RELA: variants seen among roughly 807,000 people sequenced by gnomAD.
RELA encodes the protein transcription factor p65.
RELA carries 14 observed loss-of-function variants against 56.7 expected under a neutral mutation model. The ratio of observed to expected loss-of-function variants is 0.25; its 90% CI spans 0.16 to 0.39. RELA has a LOEUF of 0.39. Ranked by LOEUF, RELA falls within the 10% of genes least tolerant of loss-of-function variation. RELA has a pLI of 1.00. For synonymous variants in RELA, 315 were observed against 289.7 expected (o/e 1.09, Z -0.89); for missense variants, 559 against 736.4 (o/e 0.76, Z 2.79).
In RELA at chr11:65,658,385, G is replaced by C; in HGVS notation, c.779C>G (p.Pro260Arg). 6.2e-7 allele frequency: 1 copy of C among 1,613,990 alleles called. No individual in the cohort carries two copies. The highest frequency in any genetic ancestry group is 8.5e-7 in the Non-Finnish European group (1 of 1,179,968). ...IVFRTPPYAD[P>R]SLQAPVRVSM... ...GACACGCACAGGAGCCTGCAGGCTG[G>C]GGTCTGCGTAGGGAGGGGTCCGGAA... The change falls in exon 8 of 11, where the codon CCC (proline) becomes CGC (arginine). Residue 260 changes from proline to arginine, a missense_variant. Transcript: ENST00000406246. The surrounding 1 kb of genome is among the most constrained non-coding windows in gnomAD (Gnocchi z 4.5).
Position 65,653,735 on chromosome 11 carries a change from A to G in RELA, c.*643T>C, listed in dbSNP as rs535928024. 309 of 153,832 alleles carry G rather than the reference A, an allele frequency of 2.0e-3. 1 individual carries two copies. The highest frequency in any genetic ancestry group is 3.6e-3 in the Non-Finnish European group (245 of 68,860). 9.5% of individuals were successfully genotyped at this position (153,832 alleles called of 1,614,324 possible). On this transcript the variant is annotated 3_prime_UTR_variant, in exon 11 of 11. Transcript: ENST00000406246. ...TCCCCCACTCTTAACAACTTACCCT[A>G]CTATTAAGGCACTTGAGAAGAGGGA...
At chr11:65,655,064 T>C (rs914811114) in intron 10 of RELA, 64 bp from the exon 11 acceptor site, 2 of 1,304,686 alleles carry the variant, frequency 1.5e-6, no homozygotes, top group Non-Finnish European at 1.1e-6. Context: ...CCGTCCTCTG[T>C]ACCCCAGCCC....
chr11:65,663,673 T>A (rs1249648154), upstream of RELA, among the ~76,000 whole-genome samples: 2 of 152,164 alleles, frequency 1.3e-5, no homozygotes, highest in Non-Finnish European at 2.9e-5. Flanking sequence ...CTGGCGCTTG[T>A]GTCTCAGAAG....
rs1178830994 is a variant in RELA, at chr11:65,661,789, G to T, written c.233C>A (p.Thr78Asn). The T allele has an allele frequency of 1.3e-5, 21 of 1,613,878 alleles. No homozygotes were observed. Among genetic ancestry groups the T allele is most frequent in the Non-Finnish European group, 1.8e-5 (21 of 1,179,918 alleles). The change falls in exon 4 of 11, where the codon ACC becomes AAC. Residue 78 changes from threonine to asparagine, a missense_variant. Thr to Asn is a moderately conservative substitution (Grantham distance 65). Transcript: ENST00000406246. ...GTGAGGCCGGTGAGGAGGGTCCTTGGTGACCAGGGAGATGCGCACTGTCCC... is the reference window on the plus strand; with the variant it reads ...GTGAGGCCGGTGAGGAGGGTCCTTGTTGACCAGGGAGATGCGCACTGTCCC... ...GPGTVRISLV[T>N]KDPPHRPHPH...
At chr11:65,662,699 G>C (rs1207965502) in intron 1 of RELA, 127 bp downstream of exon 1, 4 of 734,092 alleles carry the variant, frequency 5.4e-6, no homozygotes, top group South Asian at 6.7e-5. Flanking sequence ...GCCACCATCC[G>C]GCAGGCCGAC....
rs200286368 is a variant in RELA at position 65,655,989 on chromosome 11, C to T, written c.878-54G>A. ...TTGCTCTCCTCAGGTGGGTCCCCGA[C>T]GCTCTCAAAGGTCCCTCAGGAGGAA... On this transcript the variant is annotated intron_variant, in intron 8 of 10. Transcript: ENST00000406246. The T allele has an allele frequency of 5.1e-4, 764 of 1,504,316 alleles. 3 individuals carry two copies. Among genetic ancestry groups the T allele is most frequent in the East Asian group, 4.6e-3 (206 of 44,396 alleles). 93.2% of individuals were successfully genotyped at this position (1,504,316 alleles called of 1,614,324 possible).
At chr11:65,655,086 G>A in intron 10 of RELA, 86 bp from the exon 11 acceptor site, 1 of 1,077,784 alleles carries the variant, frequency 9.3e-7, no homozygotes, top group South Asian at 1.4e-5. Context: ...TCTTCATGGT[G>A]CTCAGGCTCA....
In RELA at chr11:65,659,775, C is replaced by T. The variant is rs370214134; in HGVS notation, c.450G>A (p.Gly150=). ...GCCGCACAGCATTCAGGTCGTAGTC[C>T]CCACGCTGCTCTTCTATAGGAACTG... The part of the protein sequence containing the change: ...PFQVPIEEQR[G]DYDLNAVRLC... The change falls in exon 6 of 11, where the codon GGG becomes GGA. Residue 150 remains glycine (G), a synonymous_variant. Transcript: ENST00000406246. 1 of 1,613,268 alleles carries T rather than the reference C, an allele frequency of 6.2e-7. No individual in the cohort carries two copies. Among genetic ancestry groups the T allele is most frequent in the Middle Eastern group, 1.7e-4 (1 of 6,006 alleles).
chr11:65,657,501 C>G (rs1297873849), intron 8 of RELA, among the ~76,000 whole-genome samples: 1 of 152,212 alleles, frequency 6.6e-6, no homozygotes, highest in Non-Finnish European at 1.5e-5. Flanking sequence ...CTTAACCAGG[C>G]CCTCCAATCT....
At position 65,662,053 on chromosome 11, in the gene RELA, T is replaced by G; in HGVS notation, c.70A>C (p.Ile24Leu). The stretch of plus-strand genomic sequence containing the variant: ...ATGCCCCGCTGCTTGGGCTGCTCAA[T>G]GATCTCCACATAGGGGCCAGAGGCC... Reference protein sequence around the residue: ...AQASGPYVEIIEQPKQRGMRF... With the variant: ...AQASGPYVEILEQPKQRGMRF... Residue 24 changes from isoleucine to leucine, a missense_variant, in exon 3 of 11, where the codon ATT becomes CTT. Ile to Leu is a conservative substitution (Grantham distance 5). Transcript: ENST00000406246. 1 of 1,612,746 alleles carries G rather than the reference T, an allele frequency of 6.2e-7. No individual in the cohort carries two copies. Among genetic ancestry groups the G allele is most frequent in the Non-Finnish European group, 8.5e-7 (1 of 1,179,642 alleles).
rs1237266502 is a variant in RELA, at chr11:65,654,202, AAGAG to A, written c.*172_*175del. On this transcript the variant is annotated 3_prime_UTR_variant, in exon 11 of 11. Coordinates refer to ENST00000406246, the MANE Select transcript of RELA (RefSeq NM_021975.4). ...ATGCTTCTGCTTAAGCACCTCCAAA[AAGAG>A]AGAGAGATACAGATACTGACAATAA... The A allele has an allele frequency of 9.9e-5, 84 of 845,712 alleles. No homozygotes were observed. The highest frequency in any genetic ancestry group is 3.5e-4 in the East Asian group (13 of 37,636). 52.4% of individuals were successfully genotyped at this position (845,712 alleles called of 1,614,324 possible). A position where few individuals can be genotyped will look rare whatever the true frequency, so the allele number is the denominator to read the frequency against.
At chr11:65,655,603 G>T in intron 10 of RELA, 85 bp downstream of exon 10, 1 of 1,326,192 alleles carries the variant, frequency 7.5e-7, no homozygotes, top group Non-Finnish European at 1.1e-6. Context: ...GGTCTGTAAT[G>T]GGGCCCAGGA....
chr11:65,654,005 G>A lies in RELA; in HGVS notation c.*373C>T, dbSNP rs9725. 4,736 of 339,296 alleles carry A rather than the reference G, an allele frequency of 0.014. 221 individuals carry two copies. The highest frequency in any genetic ancestry group is 0.093 in the African/African-American group (4,248 of 45,576). 21.0% of individuals were successfully genotyped at this position (339,296 alleles called of 1,614,324 possible). A position where few individuals can be genotyped will look rare whatever the true frequency, so the allele number is the denominator to read the frequency against. On this transcript the variant is annotated 3_prime_UTR_variant, in exon 11 of 11. Coordinates refer to ENST00000406246, the MANE Select transcript of RELA (RefSeq NM_021975.4). The stretch of plus-strand genomic sequence containing the variant: ...ATCCATGATGGAAGACACTTGATAA[G>A]GCTTTGTGGGCTCAAAGGCCTTACC...
At chr11:65,659,285 C>T (rs945042999) in intron 6 of RELA, among the ~76,000 whole-genome samples, 2 of 152,218 alleles carry the variant, frequency 1.3e-5, no homozygotes, top group African/African-American at 2.4e-5. Flanking sequence ...TGCAGCTGAT[C>T]AGTCAGCCCA....
At position 65,658,917 on chromosome 11, in the gene RELA, A is replaced by G. The variant is rs982709860; in HGVS notation, c.560-95T>C. On this transcript the variant is annotated intron_variant, in intron 6 of 10. Coordinates refer to ENST00000406246, the MANE Select transcript of RELA (RefSeq NM_021975.4). The surrounding 1 kb of genome is among the most constrained non-coding windows in gnomAD (Gnocchi z 4.5). ...CAACTTCCCTGCCCAGCCCAGAGTC[A>G]AGGTTGCCCAGAGCTTGCCACCTAC... The G allele has an allele frequency of 7.7e-6, 8 of 1,032,832 alleles. No individual in the cohort carries two copies. The Admixed American group carries it at 1.4e-4, about 18-fold the overall frequency. 64.0% of individuals were successfully genotyped at this position (1,032,832 alleles called of 1,614,324 possible).
rs770605799 is a variant in RELA, at chr11:65,658,283, G to C, written c.877+4C>G. The C allele has an allele frequency of 1.3e-6, 2 of 1,584,088 alleles. No homozygotes were observed. Among genetic ancestry groups the C allele is most frequent in the Admixed American group, 3.7e-5 (2 of 54,050 alleles). On this transcript the variant is annotated splice_donor_region_variant and intron_variant, in intron 8 of 10. Coordinates refer to ENST00000406246, the MANE Select transcript of RELA (RefSeq NM_021975.4). This position sits in a 1 kb window ranked among gnomAD's most constrained non-coding sequence, Gnocchi z 4.5. ...GCCCTGATGCTGCCACCCCAGCTGT[G>C]TACCTGTATCTGGCAGGTACTGGAA...
In RELA at chr11:65,654,528, G is replaced by A. The variant is rs1472102352; in HGVS notation, c.1506C>T (p.Arg502=). The A allele has an allele frequency of 1.2e-6, 2 of 1,609,958 alleles. No homozygotes were observed. Among genetic ancestry groups the A allele is most frequent in the Admixed American group, 1.7e-5 (1 of 58,998 alleles). The change falls in exon 11 of 11, where the codon CGC becomes CGT. Residue 502 remains arginine (R), a synonymous_variant. Coordinates refer to ENST00000406246, the MANE Select transcript of RELA (RefSeq NM_021975.4). ...GGGGCCTCTGGGCCCCTGTCACTAG[G>A]CGAGTTATAGCCTCAGGGTACTCCA... ...MLMEYPEAIT[R]LVTGAQRPPD...
In RELA at chr11:65,654,482, G is replaced by T; in HGVS notation, c.1552C>A (p.Leu518Met). Reference sequence around the variant, plus strand: ...CCATTGGGGAGCCCCGGGGCCCCCAGTGGAGCAGGAGCTGGGTCGGGGGGC... The same window carrying T: ...CCATTGGGGAGCCCCGGGGCCCCCATTGGAGCAGGAGCTGGGTCGGGGGGC... The part of the protein sequence containing the change: ...QRPPDPAPAP[L>M]GAPGLPNGLL... Residue 518 changes from leucine (L) to methionine (M), a missense_variant, in exon 11 of 11, where the codon CTG (leucine) becomes ATG (methionine). Physicochemically the swap from Leu to Met is conservative, Grantham distance 15 (BLOSUM62 2). This residue lies in a region of RELA where 365 missense variants were observed against 387.5 expected (regional missense o/e 0.94). Transcript: ENST00000406246. 1 of 1,603,036 alleles carries T rather than the reference G, an allele frequency of 6.2e-7. No individual in the cohort carries two copies. Among genetic ancestry groups the T allele is most frequent in the Non-Finnish European group, 8.5e-7 (1 of 1,176,246 alleles).
At position 65,659,558 on chromosome 11, in the gene RELA, G is replaced by A. The variant is rs985070172; in HGVS notation, c.559+108C>T. ...CAGAGAAGAGTAGACAAATACGCAAGATGATTGAATGAAGCCAGAGCGCCT... is the reference window on the plus strand; with the variant it reads ...CAGAGAAGAGTAGACAAATACGCAAAATGATTGAATGAAGCCAGAGCGCCT... On this transcript the variant is annotated intron_variant, in intron 6 of 10. Coordinates refer to ENST00000406246, the MANE Select transcript of RELA (RefSeq NM_021975.4). 4 of 1,386,092 alleles carry A rather than the reference G, an allele frequency of 2.9e-6. No homozygotes were observed. The African/African-American group carries it at 5.7e-5, about 20-fold the overall frequency. 85.9% of individuals were successfully genotyped at this position (1,386,092 alleles called of 1,614,324 possible). A position where few individuals can be genotyped will look rare whatever the true frequency, so the allele number is the denominator to read the frequency against.
Sources: allele counts gnomAD v4.1 joint callset (sites outside exome capture counted in the v4.1 genomes callset), GRCh38; gene constraint gnomAD v4.1.1; regional missense constraint gnomAD v4.1.1; non-coding constraint Gnocchi (gnomAD v3.1); transcripts MANE v1.5; gene names NCBI Gene and HGNC (gene_info 2026-07-23, HGNC 2026-07-21).